SLC22A3: variants seen among roughly 807,000 people sequenced by gnomAD.
The protein encoded by SLC22A3 is solute carrier family 22 member 3.
A neutral mutation model predicts 59.1 loss-of-function variants in SLC22A3; 51 were observed. The ratio of observed to expected loss-of-function variants is 0.86; its 90% confidence interval spans 0.69 to 1.09. The LOEUF (loss-of-function observed/expected upper bound fraction) is 1.09. SLC22A3 is among the 50% of genes least tolerant of loss of function. The pLI, the probability that SLC22A3 is intolerant of heterozygous loss-of-function variation, is 0.00. For missense variants in SLC22A3, 711 were observed against 726.3 expected, an observed-to-expected ratio of 0.98 and a Z score of 0.24; for synonymous variants, 325 against 292.0, an observed-to-expected ratio of 1.11 and a Z score of -1.15.
At chr6:160,353,491 G>T (rs865923508) in intron 1 of SLC22A3, among the ~76,000 whole-genome samples, 3 of 152,172 alleles carry the variant, frequency 2.0e-5, no homozygotes, top group African/African-American at 2.4e-5. Flanking sequence ...TGTGATAAAG[G>T]GTACCACCCT....
chr6:160,406,783 ACT>A (rs1787030037), intron 2 of SLC22A3, among the ~76,000 whole-genome samples: 1 of 152,198 alleles, frequency 6.6e-6, no homozygotes, highest in Non-Finnish European at 1.5e-5. Flanking sequence ...CACCGGGGAG[ACT>A]CTGTGTGAAA....
At chr6:160,382,893 T>A (rs568922856) in intron 1 of SLC22A3, among the ~76,000 whole-genome samples, 1 of 152,272 alleles carries the variant, frequency 6.6e-6, no homozygotes, top group South Asian at 2.1e-4. Context: ...ACAAGTACAA[T>A]AATTGAAATA....
intron 5 of SLC22A3, among the ~76,000 whole-genome samples, chr6:160,426,801 G>GCT (rs1438844461): frequency 1.3e-5 from 2 of 152,116 alleles, no homozygotes; most frequent in Non-Finnish European, 2.9e-5. Flanking sequence ...CCTGCGTAAG[G>GCT]CTCTCCATGG....
rs1368885505 is a variant in SLC22A3, at chr6:160,410,783, A to G, written c.912A>G (p.Ala304=). ...TTACTCGGAAGAAAGGAGATAAAGC[A>G]TTACAGATCCTGAGACGCATTGCTA... ...WLITRKKGDK[A]LQILRRIAKC... is the part of the protein sequence containing the mutation. The change falls in exon 5 of 11, where the codon GCA becomes GCG. Residue 304 remains alanine (A), a synonymous_variant. Transcript: ENST00000275300. 3 of 1,613,482 alleles carry G rather than the reference A, an allele frequency of 1.9e-6. No homozygotes were observed. Among genetic ancestry groups the G allele is most frequent in the African/African-American group, 1.3e-5 (1 of 74,986 alleles).
intron 1 of SLC22A3, among the ~76,000 whole-genome samples, chr6:160,363,819 G>T (rs182842939): frequency 0.031 from 4,733 of 151,956 alleles, 232 homozygotes; most frequent in African/African-American, 0.11. Context: ...CTTTGTCTGT[G>T]GGGTTTTTCC....
chr6:160,378,466 A>G (rs1785675869), intron 1 of SLC22A3, among the ~76,000 whole-genome samples: 1 of 152,174 alleles, frequency 6.6e-6, no homozygotes, highest in Non-Finnish European at 1.5e-5. Context: ...AATCTTTGGC[A>G]ACTGTGCTTT....
At chr6:160,376,842 A>G (rs1203529177) in intron 1 of SLC22A3, among the ~76,000 whole-genome samples, 2 of 152,232 alleles carry the variant, frequency 1.3e-5, no homozygotes, top group Non-Finnish European at 2.9e-5. Flanking sequence ...TATAAAATGT[A>G]TTAAGAAGTA....
At position 160,443,640 on chromosome 6, in the gene SLC22A3, G is replaced by A. The variant is rs1788631609; in HGVS notation, c.1408G>A (p.Val470Ile). The A allele has an allele frequency of 2.5e-6, 4 of 1,613,190 alleles. No homozygotes were observed. The East Asian group carries it at 6.7e-5, about 27-fold the overall frequency. ...LYPTTLRNFG[V>I]SLCSGLCDFG... ...CTTTTCATTCAACAGAAATTTCGGA[G>A]TTTCGCTCTGTTCAGGTCTGTGTGA... The change falls in exon 9 of 11, where the codon GTT becomes ATT. Residue 470 changes from valine (V) to isoleucine (I), a missense_variant. Val to Ile is a conservative substitution (Grantham distance 29, BLOSUM62 3). Transcript: ENST00000275300.
chr6:160,400,418 C>T (rs1786722073), intron 2 of SLC22A3, among the ~76,000 whole-genome samples: 1 of 151,966 alleles, frequency 6.6e-6, no homozygotes, highest in South Asian at 2.1e-4. Context: ...AGCTCCAGCC[C>T]CCTCTAGCCT....
In SLC22A3 at chr6:160,451,298, G is replaced by A; in HGVS notation, c.*242G>A. 2.0e-6 allele frequency: 1 copy of A among 492,320 alleles called. No homozygotes were observed. Among genetic ancestry groups the A allele is most frequent in the African/African-American group, 1.9e-5 (1 of 51,538 alleles). The allele number at this position is 492,320 out of a possible 1,614,324, so 30.5% of individuals were successfully genotyped here. A position where few individuals can be genotyped will look rare whatever the true frequency, so the allele number is the denominator to read the frequency against. On this transcript the variant is annotated 3_prime_UTR_variant, in exon 11 of 11. Transcript: ENST00000275300. ...GCCAGTTTAACAAAGAAGCTGTCAG[G>A]TGCACAGCCCTTCCTGGGTTTTTTT...
At chr6:160,350,894 C>A (rs968392547) in intron 1 of SLC22A3, among the ~76,000 whole-genome samples, 1 of 152,120 alleles carries the variant, frequency 6.6e-6, no homozygotes, top group East Asian at 1.9e-4. Context: ...GGGTGAGTTA[C>A]TCGCCTTCTC....
chr6:160,371,385 A>C lies in SLC22A3; in HGVS notation c.429+22537A>C, dbSNP rs577413576. Among the ~76,000 whole-genome samples the C allele has an allele frequency of 1.3e-4, 20 of 151,884 alleles. No homozygotes were observed. The South Asian group carries it at 1.7e-3, about 13-fold the overall frequency. Reference sequence around the variant, plus strand: ...GTGTGATGTTCCCCTCCCTATGTCCATGTGTTCTCATTGTTCAGCTCCCAC... The same window carrying C: ...GTGTGATGTTCCCCTCCCTATGTCCCTGTGTTCTCATTGTTCAGCTCCCAC... On this transcript the variant is annotated intron_variant, in intron 1 of 10. Coordinates refer to ENST00000275300, the MANE Select transcript of SLC22A3 (RefSeq NM_021977.4).
chr6:160,426,539 G>A (rs117446263), intron 5 of SLC22A3, among the ~76,000 whole-genome samples: 2,081 of 152,320 alleles, frequency 0.014, 23 homozygotes, highest in Non-Finnish European at 0.021. Flanking sequence ...ATGAAGTGGA[G>A]TGTGCTGTGT....
At chr6:160,443,375 C>T (rs1255966557) in intron 8 of SLC22A3, among the ~76,000 whole-genome samples, 1 of 152,174 alleles carries the variant, frequency 6.6e-6, no homozygotes, top group Non-Finnish European at 1.5e-5. Flanking sequence ...ACAAAGTGAC[C>T]CAGAGCAGGC....
At chr6:160,439,785 C>T (rs948749750) in intron 7 of SLC22A3, among the ~76,000 whole-genome samples, 12 of 152,182 alleles carry the variant, frequency 7.9e-5, no homozygotes, top group African/African-American at 2.9e-4. Context: ...ATATGTCAGT[C>T]ATGACTGACT....
At chr6:160,430,581 T>C (rs565740068) in intron 5 of SLC22A3, among the ~76,000 whole-genome samples, 1 of 152,278 alleles carries the variant, frequency 6.6e-6, no homozygotes, top group Non-Finnish European at 1.5e-5. Context: ...GAAAACACAG[T>C]CTTGGCAGAA....
intron 1 of SLC22A3, among the ~76,000 whole-genome samples, chr6:160,376,664 T>C (rs996764441): frequency 5.9e-5 from 9 of 152,216 alleles, no homozygotes; most frequent in Admixed American, 5.9e-4. Context: ...TGTTGAAGGC[T>C]GCTGCATCGC....
intron 1 of SLC22A3, among the ~76,000 whole-genome samples, chr6:160,367,421 C>A (rs568256142): frequency 6.6e-6 from 1 of 152,326 alleles, no homozygotes; most frequent in African/African-American, 2.4e-5. Context: ...TGGGTGGACA[C>A]AGCAAAACCA....
At chr6:160,435,306 T>A (rs1001929236) in intron 5 of SLC22A3, among the ~76,000 whole-genome samples, 2 of 152,200 alleles carry the variant, frequency 1.3e-5, no homozygotes, top group Non-Finnish European at 2.9e-5. Flanking sequence ...ACATAGTCAT[T>A]TTATGTACCA....
Sources: allele counts gnomAD v4.1 joint callset (sites outside exome capture counted in the v4.1 genomes callset), GRCh38; gene constraint gnomAD v4.1.1; transcripts MANE v1.5; gene names NCBI Gene and HGNC (gene_info 2026-07-23, HGNC 2026-07-21).